The following ANO5 variants were observed in gnomAD, a reference collection of about 807,000 sequenced individuals.
The protein encoded by ANO5 is anoctamin-5.
Under a neutral mutation model 121.0 loss-of-function variants are expected in ANO5, and 109 were observed. The ratio of observed to expected loss-of-function variants is 0.90; its 90% CI spans 0.77 to 1.06. ANO5 has a LOEUF of 1.06. Ranked by LOEUF, ANO5 falls within the 50% of genes least tolerant of loss-of-function variation. The pLI is 0.00. For synonymous variants in ANO5, 406 were observed against 359.9 expected, an observed-to-expected ratio of 1.13 and a Z score of -1.45; for missense variants, 1,064 against 1,078.5, an observed-to-expected ratio of 0.99 and a Z score of 0.19.
At chr11:22,228,664 C>T (rs531998114) in intron 7 of ANO5, among the ~76,000 whole-genome samples, 95 of 152,042 alleles carry the variant, frequency 6.2e-4, no homozygotes, top group African/African-American at 2.2e-3. Flanking sequence ...TTCCCATTCT[C>T]TGCTAATCAC....
At chr11:22,275,059 C>T (rs1854784981) in intron 20 of ANO5, among the ~76,000 whole-genome samples, 1 of 151,888 alleles carries the variant, frequency 6.6e-6, no homozygotes, top group African/African-American at 2.4e-5. Context: ...ACAAGTGCCC[C>T]TTAGTCCAAA....
At position 22,270,407 on chromosome 11, in the gene ANO5, G is replaced by GACCCCTTGGGTCCAAAAA; in HGVS notation, c.2004_2005insTCCAAAAAACCCCTTGGG (p.Gly668_Leu669insSerLysLysProLeuGly). On this transcript the variant is annotated inframe_insertion, in exon 18 of 22. Coordinates refer to ENST00000324559, the MANE Select transcript of ANO5 (RefSeq NM_213599.3). ...CAGGATCATGACCTTGAAAGTTTTG[G>GACCCCTTGGGTCCAAAAA]ACCCCTTGGGCTTTTCTATGAGTAC... is the stretch of plus-strand genomic sequence containing the variant. 6.2e-7 allele frequency: 1 copy of GACCCCTTGGGTCCAAAAA among 1,614,114 alleles called. No individual in the cohort carries two copies. Among genetic ancestry groups the GACCCCTTGGGTCCAAAAA allele is most frequent in the Non-Finnish European group, 8.5e-7 (1 of 1,179,996 alleles).
intron 7 of ANO5, 24 bp downstream of exon 7, chr11:22,227,610 A>C: frequency 6.2e-7 from 1 of 1,610,740 alleles, no homozygotes; most frequent in Non-Finnish European, 8.5e-7. Context: ...ACCTTTGGGC[A>C]CATCCCTTCA....
At chr11:22,206,376 G>A (rs1590218416) in intron 2 of ANO5, among the ~76,000 whole-genome samples, 2 of 152,080 alleles carry the variant, frequency 1.3e-5, no homozygotes, top group South Asian at 2.1e-4. Flanking sequence ...GAGTGCAGTG[G>A]CACGATCTTG....
intron 7 of ANO5, among the ~76,000 whole-genome samples, chr11:22,230,122 A>G (rs1852990290): frequency 6.6e-6 from 1 of 152,012 alleles, no homozygotes; most frequent in Non-Finnish European, 1.5e-5. Context: ...TTATGTGTTT[A>G]CACCTTTTAT....
chr11:22,232,722 G>C (rs982291801), intron 7 of ANO5, among the ~76,000 whole-genome samples: 1 of 151,888 alleles, frequency 6.6e-6, no homozygotes, highest in Non-Finnish European at 1.5e-5. Flanking sequence ...TAGTCAGTCA[G>C]GTTGCACCAA....
intron 3 of ANO5, 104 bp downstream of exon 3, chr11:22,211,418 C>G: frequency 7.7e-7 from 1 of 1,295,310 alleles, no homozygotes; most frequent in East Asian, 2.3e-5. Flanking sequence ...ATTTGACATG[C>G]TCTCATACAT....
intron 7 of ANO5, among the ~76,000 whole-genome samples, chr11:22,231,536 CTA>C (rs1322450757): frequency 6.6e-6 from 1 of 151,738 alleles, no homozygotes; most frequent in Non-Finnish European, 1.5e-5. Context: ...ATTAATCTAT[CTA>C]TTCATTTTAA....
chr11:22,232,203 T>C lies in ANO5; in HGVS notation c.649-3960T>C, dbSNP rs1421321840. ...AGTTAAGCTCTTGTATGAACTTTTG[T>C]TCATTCATTCTTTGGCATAGAAATT... is the stretch of plus-strand genomic sequence containing the variant. On this transcript the variant is annotated intron_variant, in intron 7 of 21. Transcript: ENST00000324559. Among the ~76,000 whole-genome samples the C allele has an allele frequency of 1.3e-5, 2 of 152,064 alleles. 1 individual carries two copies. The highest frequency in any genetic ancestry group is 4.8e-5 in the African/African-American group (2 of 41,430).
intron 2 of ANO5, among the ~76,000 whole-genome samples, chr11:22,209,998 A>G (rs1253585768): frequency 6.6e-6 from 1 of 151,986 alleles, no homozygotes; most frequent in African/African-American, 2.4e-5. Flanking sequence ...TTTAGAGGCT[A>G]CTATTTCAGA....
intron 12 of ANO5, among the ~76,000 whole-genome samples, chr11:22,253,908 A>G (rs1284386731): frequency 1.3e-5 from 2 of 152,174 alleles, no homozygotes; most frequent in African/African-American, 4.8e-5. Flanking sequence ...CGATTAGGAA[A>G]TGAGCAGTTA....
chr11:22,220,081 C>A (rs949164874), intron 4 of ANO5, among the ~76,000 whole-genome samples: 1 of 151,776 alleles, frequency 6.6e-6, no homozygotes, highest in Non-Finnish European at 1.5e-5. Context: ...CATCCATTCC[C>A]TTTTCTGGGA....
chr11:22,216,048 T>C (rs944214155), intron 3 of ANO5, among the ~76,000 whole-genome samples: 1 of 151,938 alleles, frequency 6.6e-6, no homozygotes, highest in Admixed American at 6.6e-5. Flanking sequence ...AATATTTCAT[T>C]GTATGGATAT....
rs190477872 is a variant in ANO5 at position 22,259,001 on chromosome 11, C to T, written c.1408-518C>T. Among the ~76,000 whole-genome samples, 636 of 151,952 alleles carry T rather than the reference C, an allele frequency of 4.2e-3. 13 individuals carry two copies. Among genetic ancestry groups the T allele is most frequent in the East Asian group, 0.012 (62 of 5,138 alleles). ...ACAAAAAATTAGCCGGGTGTGGTGG[C>T]GGTCACCTGTAGTCCCATCTACTAA... On this transcript the variant is annotated intron_variant, in intron 14 of 21. Coordinates refer to ENST00000324559, the MANE Select transcript of ANO5 (RefSeq NM_213599.3).
intron 7 of ANO5, among the ~76,000 whole-genome samples, chr11:22,230,562 T>C (rs1469785012): frequency 6.6e-6 from 1 of 152,014 alleles, no homozygotes; most frequent in Non-Finnish European, 1.5e-5. Flanking sequence ...GTTTAAAAAA[T>C]TTCAGATTCA....
At chr11:22,211,123 C>A in intron 2 of ANO5, 141 bp from the exon 3 acceptor site, 1 of 897,052 alleles carries the variant, frequency 1.1e-6, no homozygotes, top group Non-Finnish European at 1.8e-6. Context: ...TATATGCCCA[C>A]AGTTTTGCAT....
At chr11:22,206,337 G>A (rs993564513) in intron 2 of ANO5, among the ~76,000 whole-genome samples, 33 of 64,028 alleles carry the variant, frequency 5.2e-4, no homozygotes, top group Non-Finnish European at 1.3e-3. Context: ...TGTGGAAAGG[G>A]ACAGAGTCTT....
intron 7 of ANO5, 27 bp from the exon 8 acceptor site, chr11:22,236,136 T>C (rs748260906): frequency 4.2e-6 from 6 of 1,422,664 alleles, no homozygotes; most frequent in African/African-American, 2.8e-5. Flanking sequence ...TGAGATGTGA[T>C]AGTGTCTCTT....
chr11:22,247,556 T>C (rs1267394591), intron 9 of ANO5, among the ~76,000 whole-genome samples: 6 of 152,132 alleles, frequency 3.9e-5, no homozygotes, highest in Admixed American at 1.3e-4. Context: ...TTGGCCCTAA[T>C]GGATTATTGG....
Sources: allele counts gnomAD v4.1 joint callset (sites outside exome capture counted in the v4.1 genomes callset), GRCh38; gene constraint gnomAD v4.1.1; transcripts MANE v1.5; gene names NCBI Gene and HGNC (gene_info 2026-07-23, HGNC 2026-07-21).